The following UBXN2B variants were observed in gnomAD, a reference collection of about 807,000 sequenced individuals.
UBXN2B encodes the protein UBX domain protein 2B.
Under a neutral mutation model 37.5 loss-of-function variants are expected in UBXN2B, and 19 were observed. The observed-to-expected ratio is 0.51, with a 90% CI of 0.35 to 0.74. UBXN2B has a LOEUF of 0.74. Ranked by LOEUF, UBXN2B falls within the 30% of genes least tolerant of loss-of-function variation. UBXN2B has a pLI of 0.01. For missense variants in UBXN2B, 370 were observed against 393.2 expected, an observed-to-expected ratio of 0.94 and a Z score of 0.50; for synonymous variants, 145 against 143.8, an observed-to-expected ratio of 1.01 and a Z score of -0.06.
chr8:58,412,970 A>G (rs1310259446), intron 1 of UBXN2B, among the ~76,000 whole-genome samples: 1 of 152,234 alleles, frequency 6.6e-6, no homozygotes, highest in Non-Finnish European at 1.5e-5. Context: ...TAGAGTGTGT[A>G]ACTTAATGTC....
intron 2 of UBXN2B, among the ~76,000 whole-genome samples, chr8:58,417,257 T>A (rs1302736740): frequency 2.0e-5 from 3 of 152,172 alleles, no homozygotes; most frequent in African/African-American, 7.2e-5. Flanking sequence ...GGCACAATGG[T>A]TCTTTAATAT....
intron 1 of UBXN2B, among the ~76,000 whole-genome samples, chr8:58,414,025 G>A (rs897821336): frequency 2.0e-5 from 3 of 152,304 alleles, no homozygotes; most frequent in Admixed American, 6.5e-5. Flanking sequence ...TAGGTTGGAC[G>A]GGGAGGGAGT....
intron 1 of UBXN2B, among the ~76,000 whole-genome samples, chr8:58,414,913 A>AT (rs1296945122): frequency 2.0e-5 from 3 of 152,054 alleles, no homozygotes; most frequent in African/African-American, 7.2e-5. Context: ...TTGTTATTTG[A>AT]TTGGAAGCAT....
rs869090698 is a variant in UBXN2B at position 58,446,779 on chromosome 8, A to ATTTTTTTTTTTTTTT, written c.834-588_834-574dup. 7.4e-3 allele frequency among the ~76,000 whole-genome samples: 128 copies of ATTTTTTTTTTTTTTT among 17,404 alleles called. 46 individuals are homozygous for ATTTTTTTTTTTTTTT. Among genetic ancestry groups the ATTTTTTTTTTTTTTT allele is most frequent in the South Asian group, 9.7e-3 (2 of 206 alleles). The allele number at this position is 17,404 out of a possible 152,430, so 11.4% of individuals were successfully genotyped here. A position where few individuals can be genotyped will look rare whatever the true frequency, so the allele number is the denominator to read the frequency against. Reference sequence around the variant, plus strand: ...ATACTCCGAAAAAAGTACAACCTGCATTTTTTTTTTTTTTTTTTTTTTTTT... The same window carrying ATTTTTTTTTTTTTTT: ...ATACTCCGAAAAAAGTACAACCTGCATTTTTTTTTTTTTTTTTTTTTTTTTTTTTTTTTTTTTTTT... On this transcript the variant is annotated intron_variant, in intron 7 of 7. Transcript: ENST00000399598.
intron 5 of UBXN2B, among the ~76,000 whole-genome samples, chr8:58,435,418 G>A (rs1472769687): frequency 6.6e-6 from 1 of 152,188 alleles, no homozygotes; most frequent in East Asian, 1.9e-4. Context: ...GCCCTAAGAA[G>A]TATGCTGAAG....
At chr8:58,432,042 A>G (rs1808292465) in intron 3 of UBXN2B, among the ~76,000 whole-genome samples, 1 of 152,156 alleles carries the variant, frequency 6.6e-6, no homozygotes, top group Admixed American at 6.5e-5. Context: ...TGTCATTCAT[A>G]TTTTTATCCT....
intron 3 of UBXN2B, among the ~76,000 whole-genome samples, chr8:58,431,903 T>C (rs188827893): frequency 6.6e-6 from 1 of 152,240 alleles, no homozygotes; most frequent in Non-Finnish European, 1.5e-5. Flanking sequence ...CAAGGAAATA[T>C]CTCTTCATTA....
chr8:58,412,621 T>C (rs1389458696), intron 1 of UBXN2B, among the ~76,000 whole-genome samples: 2 of 152,206 alleles, frequency 1.3e-5, no homozygotes, highest in Non-Finnish European at 2.9e-5. Flanking sequence ...AGCTATTGTG[T>C]ACCTCATCTT....
intron 2 of UBXN2B, among the ~76,000 whole-genome samples, chr8:58,419,412 CA>C (rs1807867979): frequency 6.6e-6 from 1 of 152,168 alleles, no homozygotes; most frequent in African/African-American, 2.4e-5. Flanking sequence ...TAAGCCAAGA[CA>C]GTTTCATTAT....
intron 5 of UBXN2B, 50 bp downstream of exon 5, chr8:58,434,554 T>G (rs778620503): frequency 2.3e-6 from 3 of 1,314,384 alleles, no homozygotes; most frequent in Non-Finnish European, 3.1e-6. Context: ...GGGACTTATT[T>G]TCTTAACAGA....
At chr8:58,443,648 A>C (rs1416338479) in intron 6 of UBXN2B, among the ~76,000 whole-genome samples, 1 of 151,302 alleles carries the variant, frequency 6.6e-6, no homozygotes, top group African/African-American at 2.4e-5. Context: ...CAAAAAAAAA[A>C]AAAAAAAAAA....
chr8:58,451,476 A>G lies in UBXN2B; in HGVS notation c.*3925A>G, dbSNP rs1808798310. The G allele has an allele frequency of 6.6e-6, 1 of 152,228 alleles. No individual in the cohort carries two copies. Among genetic ancestry groups the G allele is most frequent in the South Asian group, 2.1e-4 (1 of 4,838 alleles). The allele number at this position is 152,228 out of a possible 1,614,324, so 9.4% of individuals were successfully genotyped here. On this transcript the variant is annotated 3_prime_UTR_variant, in exon 8 of 8. Coordinates refer to ENST00000399598, the MANE Select transcript of UBXN2B (RefSeq NM_001077619.2). Reference sequence around the variant, plus strand: ...AAAAGTTTGAAATGTCTGCTTACTAATAAAGAATGTTTTCACTGAAACTTA... The same window carrying G: ...AAAAGTTTGAAATGTCTGCTTACTAGTAAAGAATGTTTTCACTGAAACTTA...
At chr8:58,425,737 T>C in intron 2 of UBXN2B, 1 of 1,167,118 alleles carries the variant, frequency 8.6e-7, no homozygotes, top group Non-Finnish European at 1.3e-6. Flanking sequence ...ACGTGAGTTG[T>C]AGTACTGTAC....
chr8:58,419,329 CAG>C (rs1807865639), intron 2 of UBXN2B, among the ~76,000 whole-genome samples: 2 of 152,122 alleles, frequency 1.3e-5, no homozygotes, highest in East Asian at 3.9e-4. Context: ...GTACAGAAAA[CAG>C]TGCTTATTTT....
At chr8:58,426,719 G>T in intron 2 of UBXN2B, 1 of 681,306 alleles carries the variant, frequency 1.5e-6, no homozygotes, top group East Asian at 2.8e-5. Flanking sequence ...TGACAGACCC[G>T]TTCCTTGCTC....
intron 6 of UBXN2B, among the ~76,000 whole-genome samples, chr8:58,445,478 T>C (rs12676903): frequency 0.31 from 47,620 of 152,068 alleles, 7,933 homozygotes; most frequent in Admixed American, 0.48. Context: ...CTTACTGGTA[T>C]AATATACCTT....
Position 58,430,531 on chromosome 8 carries a change from T to G in UBXN2B, c.201T>G (p.Ser67Arg). The change falls in exon 3 of 8, where the codon AGT (serine) becomes AGG (arginine). Residue 67 changes from serine to arginine, a missense_variant. Physicochemically the swap from Ser to Arg is moderately radical, Grantham distance 110. Coordinates refer to ENST00000399598, the MANE Select transcript of UBXN2B (RefSeq NM_001077619.2). ...PRTPPQRFYSSEHEYSGLNIV... is the reference protein window; with the variant it reads ...PRTPPQRFYSREHEYSGLNIV... The stretch of plus-strand genomic sequence containing the variant: ...AAAATGTTTAAAGGTTTTACTCAAG[T>G]GAACATGAATACAGTGGATTAAATA... The G allele has an allele frequency of 6.4e-7, 1 of 1,569,748 alleles. No homozygotes were observed. Among genetic ancestry groups the G allele is most frequent in the Non-Finnish European group, 8.6e-7 (1 of 1,157,830 alleles).
intron 7 of UBXN2B, among the ~76,000 whole-genome samples, 153 bp downstream of exon 7, chr8:58,446,221 G>A (rs1044252797): frequency 2.6e-5 from 4 of 151,768 alleles, no homozygotes; most frequent in African/African-American, 9.7e-5. Flanking sequence ...ATTTTTAAAA[G>A]GACAATAGCT....
chr8:58,447,896 G>A lies in UBXN2B; in HGVS notation c.*345G>A, dbSNP rs1404798885. The stretch of plus-strand genomic sequence containing the variant: ...TTGATAAATGCATTTGGTAAAATTT[G>A]CACTAAAGTTTCTTGATGCAGCATT... On this transcript the variant is annotated 3_prime_UTR_variant, in exon 8 of 8. Transcript: ENST00000399598. 6.0e-6 allele frequency: 1 copy of A among 165,698 alleles called. No homozygotes were observed. The highest frequency in any genetic ancestry group is 1.3e-5 in the Non-Finnish European group (1 of 77,254). The allele number at this position is 165,698 out of a possible 1,614,324, so 10.3% of individuals were successfully genotyped here.
Sources: gnomAD v4.1 joint callset for allele counts (sites outside exome capture counted in the v4.1 genomes callset) on GRCh38, gnomAD v4.1.1 for gene constraint, MANE v1.5 for transcripts, NCBI Gene and HGNC (gene_info 2026-07-23, HGNC 2026-07-21) for gene names.